Variants in RAD50 observed in about 807,000 individuals in gnomAD.
RAD50 encodes RAD50 double strand break repair protein, also known as DNA repair protein RAD50.
In RAD50, 132 loss-of-function variants were observed where a neutral mutation model predicts 168.8. That is an observed-to-expected ratio of 0.78 (90% confidence interval 0.68 to 0.90). The LOEUF (loss-of-function observed/expected upper bound fraction) is 0.90, where lower values mean the gene tolerates loss of function less well. RAD50 is among the 40% of genes least tolerant of loss of function. The pLI is 0.00. For synonymous variants in RAD50, 525 were observed against 497.4 expected (o/e 1.06, Z -0.74); for missense variants, 1,347 against 1,534.4 (o/e 0.88, Z 2.04).
At chr5:132,618,968 A>G (rs1318900083) in intron 21 of RAD50, among the ~76,000 whole-genome samples, 2 of 152,088 alleles carry the variant, frequency 1.3e-5, no homozygotes, top group Admixed American at 1.3e-4. Flanking sequence ...GTTTTATCAT[A>G]TATATGTCAT....
At chr5:132,585,004 C>T (rs1750570848) in intron 5 of RAD50, among the ~76,000 whole-genome samples, 3 of 151,748 alleles carry the variant, frequency 2.0e-5, no homozygotes, top group South Asian at 2.1e-4. Context: ...ATGTAAATGA[C>T]GAGTTAATGG....
chr5:132,587,585 T>C lies in RAD50; in HGVS notation c.780T>C (p.His260=), dbSNP rs2149840410. The C allele has an allele frequency of 5.6e-6, 9 of 1,613,290 alleles. No individual in the cohort carries two copies. The highest frequency in any genetic ancestry group is 7.6e-6 in the Non-Finnish European group (9 of 1,179,684). ...PLKNRLKEIE[H]NLSKIMKLDN... ...AGAATCGTCTAAAAGAAATTGAACA[T>C]AATCTCTCTAAAATAATGAAACTTG... The change falls in exon 6 of 25, where the codon CAT becomes CAC. Residue 260 remains histidine, a synonymous_variant. Coordinates refer to ENST00000378823, the MANE Select transcript of RAD50 (RefSeq NM_005732.4).
At position 132,645,593 on chromosome 5, in the gene RAD50, C is replaced by T. The variant is rs758267751; in HGVS notation, c.*3229C>T. 2.0e-5 allele frequency: 3 copies of T among 152,050 alleles called. No individual in the cohort carries two copies. The highest frequency in any genetic ancestry group is 2.4e-5 in the African/African-American group (1 of 41,394). 9.4% of individuals were successfully genotyped at this position (152,050 alleles called of 1,614,324 possible). The stretch of plus-strand genomic sequence containing the variant: ...AAGCAGAGCGTAAAACAATGCTTCA[C>T]GTGAAAGTAATCAGTAGGAAATTGG... On this transcript the variant is annotated 3_prime_UTR_variant, in exon 25 of 25. Coordinates refer to ENST00000378823, the MANE Select transcript of RAD50 (RefSeq NM_005732.4).
Position 132,643,728 on chromosome 5 carries a change from G to C in RAD50, c.*1364G>C, listed in dbSNP as rs952307998. ...TATCCTGGGGGTGGTGGTGGGGTGGGGGGGGGTCCTAAATGTAATCACGAG... is the reference window on the plus strand; with the variant it reads ...TATCCTGGGGGTGGTGGTGGGGTGGCGGGGGGTCCTAAATGTAATCACGAG... On this transcript the variant is annotated 3_prime_UTR_variant, in exon 25 of 25. Transcript: ENST00000378823. The C allele has an allele frequency of 4.7e-6, 1 of 213,108 alleles. No individual in the cohort carries two copies. Among genetic ancestry groups the C allele is most frequent in the African/African-American group, 2.3e-5 (1 of 44,398 alleles). 13.2% of individuals were successfully genotyped at this position (213,108 alleles called of 1,614,324 possible).
At chr5:132,570,118 G>A (rs2706348) in intron 2 of RAD50, among the ~76,000 whole-genome samples, 48,848 of 152,024 alleles carry the variant, frequency 0.32, 10,261 homozygotes, top group African/African-American at 0.61. Flanking sequence ...CAGCATAACT[G>A]ATGGAGGAAT....
At chr5:132,563,661 A>G (rs536593216) in intron 2 of RAD50, among the ~76,000 whole-genome samples, 1 of 152,354 alleles carries the variant, frequency 6.6e-6, no homozygotes, top group South Asian at 2.1e-4. Flanking sequence ...TAAATTGGAA[A>G]GTTGCATTTA....
chr5:132,560,435 AG>A (rs1750104651), intron 2 of RAD50, among the ~76,000 whole-genome samples: 1 of 152,192 alleles, frequency 6.6e-6, no homozygotes, highest in African/African-American at 2.4e-5. Context: ...AATAGTATTT[AG>A]TACATTTACT....
intron 21 of RAD50, 45 bp from the exon 22 acceptor site, chr5:132,637,067 CATA>C (rs778060581): frequency 6.9e-7 from 1 of 1,443,256 alleles, no homozygotes; most frequent in Non-Finnish European, 9.3e-7. Flanking sequence ...TACTATTACA[CATA>C]ATTATTTTTT....
intron 7 of RAD50, 49 bp downstream of exon 7, chr5:132,588,138 A>G (rs1232354370): frequency 1.9e-6 from 3 of 1,553,658 alleles, no homozygotes; most frequent in Non-Finnish European, 2.7e-6. Flanking sequence ...GATGTTATAC[A>G]TTTTCTGTAT....
In RAD50 at chr5:132,579,504, T is replaced by C. The variant is rs1580987375; in HGVS notation, c.551+2T>C. 5 of 1,609,658 alleles carry C rather than the reference T, an allele frequency of 3.1e-6. No homozygotes were observed. The highest frequency in any genetic ancestry group is 3.4e-6 in the Non-Finnish European group (4 of 1,176,664). On this transcript the variant is annotated splice_donor_variant, in intron 4 of 24. Transcript: ENST00000378823. LOFTEE classifies it high-confidence loss of function. Reference sequence around the variant, plus strand: ...TGATGAGATTTTTTCAGCAACAAGGTTTGTAACCCTTAAATAGACTTTGTA... The same window carrying C: ...TGATGAGATTTTTTCAGCAACAAGGCTTGTAACCCTTAAATAGACTTTGTA...
intron 5 of RAD50, among the ~76,000 whole-genome samples, chr5:132,585,861 TG>T (rs1263310752): frequency 6.6e-6 from 1 of 152,148 alleles, no homozygotes; most frequent in Non-Finnish European, 1.5e-5. Flanking sequence ...CCCAAAGTGC[TG>T]GGATTACAGG....
chr5:132,589,482 A>C lies in RAD50; in HGVS notation c.1246-149A>C, dbSNP rs56798121. 0.2 allele frequency: 124,551 copies of C among 618,230 alleles called. 13,326 individuals are homozygous for C. Among genetic ancestry groups the C allele is most frequent in the South Asian group, 0.24 (10,606 of 45,038 alleles). The allele number at this position is 618,230 out of a possible 1,614,324, so 38.3% of individuals were successfully genotyped here. On this transcript the variant is annotated intron_variant, in intron 8 of 24. Transcript: ENST00000378823. Reference sequence around the variant, plus strand: ...GTTCACACAATGATAAAATTGCCTAATGATGCATTTCTTGGAATATATCCC... The same window carrying C: ...GTTCACACAATGATAAAATTGCCTACTGATGCATTTCTTGGAATATATCCC...
In RAD50 at chr5:132,618,173, A is replaced by G. The variant is rs1462062218; in HGVS notation, c.3268A>G (p.Lys1090Glu). 4 of 1,613,850 alleles carry G rather than the reference A, an allele frequency of 2.5e-6. No homozygotes were observed. Among genetic ancestry groups the G allele is most frequent in the Non-Finnish European group, 3.4e-6 (4 of 1,179,950 alleles). The change falls in exon 21 of 25, where the codon AAA becomes GAA. Residue 1090 changes from lysine (K) to glutamate (E), a missense_variant. By Grantham distance (56) the Lys-to-Glu change is moderately conservative. Coordinates refer to ENST00000378823, the MANE Select transcript of RAD50 (RefSeq NM_005732.4). ...TGAAGAAGAAATTATTCATTTTAAGAAAGAACTTCGAGAACCACAATTTCG... is the reference window on the plus strand; with the variant it reads ...TGAAGAAGAAATTATTCATTTTAAGGAAGAACTTCGAGAACCACAATTTCG... ...GYEEEIIHFK[K>E]ELREPQFRDA...
At chr5:132,563,788 T>C (rs1302862268) in intron 2 of RAD50, among the ~76,000 whole-genome samples, 2 of 152,222 alleles carry the variant, frequency 1.3e-5, no homozygotes, top group Non-Finnish European at 2.9e-5. Context: ...ACCCCCATTG[T>C]TGGAGGAGGG....
At chr5:132,620,718 T>C (rs997700591) in intron 21 of RAD50, among the ~76,000 whole-genome samples, 2 of 152,188 alleles carry the variant, frequency 1.3e-5, no homozygotes, top group Non-Finnish European at 1.5e-5. Flanking sequence ...AATCCACATA[T>C]AACTTTTGAT....
intron 16 of RAD50, 89 bp from the exon 17 acceptor site, chr5:132,608,526 G>A: frequency 8.6e-7 from 1 of 1,162,164 alleles, no homozygotes; most frequent in Non-Finnish European, 1.2e-6. Flanking sequence ...CTGGCACATA[G>A]AAAGTGCTTT....
chr5:132,562,327 A>G (rs904831285), intron 2 of RAD50, among the ~76,000 whole-genome samples: 1 of 152,192 alleles, frequency 6.6e-6, no homozygotes, highest in African/African-American at 2.4e-5. Flanking sequence ...GGTAGCAAAG[A>G]TAGGGCAGAG....
chr5:132,612,466 G>T (rs1182739871), intron 19 of RAD50, among the ~76,000 whole-genome samples: 1 of 152,112 alleles, frequency 6.6e-6, no homozygotes, highest in Admixed American at 6.5e-5. Flanking sequence ...CTGCTAAATT[G>T]TACACGTTTA....
chr5:132,609,386 A>G lies in RAD50; in HGVS notation c.3026A>G (p.Asp1009Gly). Residue 1009 changes from aspartate to glycine, a missense_variant, in exon 19 of 25, where the codon GAT (aspartate) becomes GGT (glycine). Transcript: ENST00000378823. Reference protein sequence around the residue: ...EDMRLMRQDIDTQKIQERWLQ... With the variant: ...EDMRLMRQDIGTQKIQERWLQ... ...ATGAGACTCATGAGACAAGATATTG[A>G]TACACAGAAGGTAGGTCTGTTTTGC... The G allele has an allele frequency of 3.7e-6, 6 of 1,613,790 alleles. No homozygotes were observed. Among genetic ancestry groups the G allele is most frequent in the Non-Finnish European group, 5.1e-6 (6 of 1,179,844 alleles).
Sources: gnomAD v4.1 joint callset for allele counts (sites outside exome capture counted in the v4.1 genomes callset) on GRCh38, gnomAD v4.1.1 for gene constraint, MANE v1.5 for transcripts, NCBI Gene and HGNC (gene_info 2026-07-23, HGNC 2026-07-21) for gene names.